The following BRD4 variants were observed in gnomAD, a reference collection of about 807,000 sequenced individuals.
BRD4 encodes bromodomain containing 4, also known as bromodomain-containing protein 4.
Under a neutral mutation model 142.1 loss-of-function variants are expected in BRD4, and 16 were observed. That is an observed-to-expected ratio of 0.11 (90% CI 0.08 to 0.17). BRD4 has a LOEUF of 0.17. Ranked by LOEUF, BRD4 falls within the 10% of genes least tolerant of loss-of-function variation. The pLI is 1.00. For synonymous variants in BRD4, 833 were observed against 707.5 expected (o/e 1.18, Z -2.82); for missense variants, 1,424 against 1,810.9 (o/e 0.79, Z 3.88).
At chr19:15,253,086 AG>A in intron 11 of BRD4, 4 of 251,494 alleles carry the variant, frequency 1.6e-5, no homozygotes, top group Non-Finnish European at 3.1e-5. Flanking sequence ...GCCAAAACAC[AG>A]GTTTCCCACT....
chr19:15,278,824 C>T (rs980418869), intron 1 of BRD4, among the ~76,000 whole-genome samples: 15 of 152,016 alleles, frequency 9.9e-5, no homozygotes, highest in Non-Finnish European at 1.9e-4. Context: ...ATTCATAGAC[C>T]TCTGATTAAG....
At chr19:15,308,914 C>G (rs2047941552) in intron 1 of BRD4, among the ~76,000 whole-genome samples, 1 of 151,854 alleles carries the variant, frequency 6.6e-6, no homozygotes. Flanking sequence ...ACTTGGGAGC[C>G]TGAGGCAGGA....
At position 15,323,178 on chromosome 19, in the gene BRD4, T is replaced by TAAAAAAA. The variant is rs1017018376; in HGVS notation, c.-35+9105_-35+9111dup. 4.8e-3 allele frequency among the ~76,000 whole-genome samples: 350 copies of TAAAAAAA among 73,064 alleles called. 45 individuals carry two copies. Among genetic ancestry groups the TAAAAAAA allele is most frequent in the African/African-American group, 0.017 (281 of 16,520 alleles). The allele number at this position is 73,064 out of a possible 152,430, so 47.9% of individuals were successfully genotyped here. ...GCAACACAGCAAGACTCCATCTCTT[T>TAAAAAAA]AAAAAAAAAAAAAAAAAAAAAAAAA... On this transcript the variant is annotated intron_variant, in intron 1 of 19. Transcript: ENST00000679869.
intron 1 of BRD4, among the ~76,000 whole-genome samples, chr19:15,326,229 G>A (rs1262067717): frequency 6.7e-6 from 1 of 149,828 alleles, no homozygotes; most frequent in African/African-American, 2.5e-5. Flanking sequence ...TTGGGACGCC[G>A]AGGTAGGCAG....
At chr19:15,309,381 G>C (rs1432193082) in intron 1 of BRD4, among the ~76,000 whole-genome samples, 1 of 150,386 alleles carries the variant, frequency 6.6e-6, no homozygotes, top group Admixed American at 6.6e-5. Flanking sequence ...ATCTCTGGTA[G>C]GTTTAAAAGG....
At chr19:15,262,830 T>C (rs2047488195) in intron 7 of BRD4, among the ~76,000 whole-genome samples, 1 of 152,248 alleles carries the variant, frequency 6.6e-6, no homozygotes, top group Non-Finnish European at 1.5e-5. Flanking sequence ...AAAGTCATTT[T>C]TTAAACTTAG....
At chr19:15,240,146 A>T in intron 14 of BRD4, 124 bp from the exon 15 acceptor site, 1 of 1,395,752 alleles carries the variant, frequency 7.2e-7, no homozygotes, top group Non-Finnish European at 9.5e-7. Context: ...GCCCTGGGAC[A>T]AGGGTCCATT....
Position 15,321,981 on chromosome 19 carries a change from T to C in BRD4, c.-35+10309A>G, listed in dbSNP as rs144344666. Among the ~76,000 whole-genome samples, 626 of 152,266 alleles carry C rather than the reference T, an allele frequency of 4.1e-3. 2 individuals are homozygous for C. The highest frequency in any genetic ancestry group is 6.9e-3 in the Non-Finnish European group (469 of 68,016). The stretch of plus-strand genomic sequence containing the variant: ...AAAGCATATCCAGGACAGTCATCAT[T>C]GGGCAAATGACAAAGAAACAGATCA... On this transcript the variant is annotated intron_variant, in intron 1 of 19. Coordinates refer to ENST00000679869, the MANE Select transcript of BRD4 (RefSeq NM_001379291.1).
At chr19:15,253,205 G>C (rs1356620898) in intron 11 of BRD4, 2 of 360,524 alleles carry the variant, frequency 5.5e-6, no homozygotes, top group East Asian at 4.7e-5. Flanking sequence ...AACCCCGTTG[G>C]CCGTAAACAC....
At chr19:15,265,086 A>G (rs2047517515) in intron 5 of BRD4, among the ~76,000 whole-genome samples, 1 of 152,242 alleles carries the variant, frequency 6.6e-6, no homozygotes, top group Non-Finnish European at 1.5e-5. Context: ...CACAATTCAG[A>G]GACTATTTAG....
chr19:15,278,327 G>A (rs1437182585), intron 1 of BRD4, among the ~76,000 whole-genome samples: 1 of 151,426 alleles, frequency 6.6e-6, no homozygotes, highest in Non-Finnish European at 1.5e-5. Flanking sequence ...TTGAGGTCAG[G>A]AGTTGCAGAC....
intron 1 of BRD4, chr19:15,275,584 CCT>C (rs199592023): frequency 0.016 from 2,450 of 152,340 alleles, 34 homozygotes; most frequent in Non-Finnish European, 0.02. Context: ...CACCCAGGCC[CCT>C]GAGGAAAGAA....
chr19:15,243,490 G>A lies in BRD4; in HGVS notation c.2582-3C>T, dbSNP rs2047257720. 3.9e-6 allele frequency: 6 copies of A among 1,553,782 alleles called. No individual in the cohort carries two copies. The East Asian group carries it at 1.4e-4, about 36-fold the overall frequency. Reference sequence around the variant, plus strand: ...CTGGGGTAGTGCGTTGTGCAAAGCTGGAAGAACACAACACCGAGGCGGTGA... The same window carrying A: ...CTGGGGTAGTGCGTTGTGCAAAGCTAGAAGAACACAACACCGAGGCGGTGA... On this transcript the variant is annotated splice_polypyrimidine_tract_variant and splice_region_variant and intron_variant, in intron 13 of 19. Coordinates refer to ENST00000679869, the MANE Select transcript of BRD4 (RefSeq NM_001379291.1).
chr19:15,313,168 G>A (rs373309017), intron 1 of BRD4, among the ~76,000 whole-genome samples: 5 of 149,852 alleles, frequency 3.3e-5, no homozygotes, highest in African/African-American at 4.9e-5. Context: ...TCAGGAGATC[G>A]AGACCATCCT....
chr19:15,278,183 C>T (rs1296813767), intron 1 of BRD4, among the ~76,000 whole-genome samples: 1 of 146,422 alleles, frequency 6.8e-6, no homozygotes, highest in Non-Finnish European at 1.5e-5. Context: ...TGACATCCAA[C>T]CTGGTTCTAA....
intron 2 of BRD4, among the ~76,000 whole-genome samples, chr19:15,269,684 C>T (rs184201223): frequency 3.3e-5 from 5 of 152,214 alleles, no homozygotes; most frequent in Non-Finnish European, 4.4e-5. Flanking sequence ...TGCCAAATGA[C>T]AAATCTGGAC....
At chr19:15,256,352 G>T in intron 8 of BRD4, 89 bp from the exon 9 acceptor site, 1 of 1,493,992 alleles carries the variant, frequency 6.7e-7, no homozygotes. Context: ...AAAAACATGC[G>T]ACAGCATGCA....
intron 1 of BRD4, among the ~76,000 whole-genome samples, chr19:15,301,614 C>T (rs1422723362): frequency 6.6e-6 from 1 of 150,940 alleles, no homozygotes; most frequent in East Asian, 1.9e-4. Context: ...GTAATCCCAG[C>T]ACTTTGGGAA....
At chr19:15,244,867 A>G (rs950756577) in intron 11 of BRD4, 105 bp from the exon 12 acceptor site, 161 of 1,585,042 alleles carry the variant, frequency 1.0e-4, no homozygotes, top group Non-Finnish European at 1.3e-4. Context: ...GAGAAGGACC[A>G]GTGACCCTGA....
Sources: gnomAD v4.1 joint callset for allele counts (sites outside exome capture counted in the v4.1 genomes callset) on GRCh38, gnomAD v4.1.1 for gene constraint, MANE v1.5 for transcripts, NCBI Gene and HGNC (gene_info 2026-07-23, HGNC 2026-07-21) for gene names.